PTPRM: variants seen among roughly 807,000 people sequenced by gnomAD.
The protein encoded by PTPRM is protein tyrosine phosphatase receptor type M.
A neutral mutation model predicts 186.7 loss-of-function variants in PTPRM; 47 were observed. The observed-to-expected ratio is 0.25, with a 90% CI of 0.20 to 0.32. The LOEUF is 0.32. PTPRM is among the 10% of genes least tolerant of loss of function. The probability of loss-of-function intolerance (pLI) is 1.00; values close to 1 mark genes in which losing one functional copy is unlikely to be tolerated. For synonymous variants in PTPRM, 668 were observed against 674.9 expected (o/e 0.99, Z 0.16); for missense variants, 1,494 against 1,865.0 (o/e 0.80, Z 3.66).
intron 22 of PTPRM, among the ~76,000 whole-genome samples, chr18:8,327,056 A>T (rs1359365940): frequency 1.3e-5 from 2 of 152,206 alleles, no homozygotes; most frequent in Non-Finnish European, 2.9e-5. Context: ...CTAAATAGCT[A>T]GTGACATGAA....
chr18:7,974,379 C>T (rs1356440661), intron 7 of PTPRM, among the ~76,000 whole-genome samples: 1 of 152,126 alleles, frequency 6.6e-6, no homozygotes, highest in East Asian at 1.9e-4. Flanking sequence ...CACACATTTA[C>T]ATGAAGCAAA....
chr18:8,186,639 A>G (rs1173581496), intron 14 of PTPRM, among the ~76,000 whole-genome samples: 1 of 152,128 alleles, frequency 6.6e-6, no homozygotes, highest in African/African-American at 2.4e-5. Context: ...CATTTTCCAC[A>G]TAGCACTAAG....
chr18:8,395,910 G>T (rs1166678291), intron 32 of PTPRM, among the ~76,000 whole-genome samples: 1 of 152,224 alleles, frequency 6.6e-6, no homozygotes, highest in Non-Finnish European at 1.5e-5. Flanking sequence ...GATACCATGA[G>T]CTCACTGAGG....
chr18:7,809,280 A>G (rs1195668904), intron 2 of PTPRM, among the ~76,000 whole-genome samples: 2 of 151,908 alleles, frequency 1.3e-5, no homozygotes, highest in Non-Finnish European at 2.9e-5. Flanking sequence ...TCTGTGCTCT[A>G]TTTTCCATCT....
intron 23 of PTPRM, among the ~76,000 whole-genome samples, chr18:8,369,851 G>A (rs1371636608): frequency 1.3e-5 from 2 of 152,200 alleles, no homozygotes; most frequent in Non-Finnish European, 1.5e-5. Context: ...TTGGGAGGCT[G>A]AGGAGGGAAG....
intron 13 of PTPRM, among the ~76,000 whole-genome samples, chr18:8,142,093 A>G (rs2146101627): frequency 6.6e-6 from 1 of 152,360 alleles, no homozygotes; most frequent in South Asian, 2.1e-4. Flanking sequence ...ATTAACATTA[A>G]TACCTTAAAG....
At chr18:8,080,371 G>A (rs2090062118) in intron 9 of PTPRM, among the ~76,000 whole-genome samples, 1 of 152,138 alleles carries the variant, frequency 6.6e-6, no homozygotes, top group African/African-American at 2.4e-5. Context: ...TGTTTTAAAA[G>A]CTTTAGTATG....
intron 1 of PTPRM, among the ~76,000 whole-genome samples, chr18:7,748,284 T>C (rs533867819): frequency 6.6e-6 from 1 of 152,254 alleles, no homozygotes; most frequent in South Asian, 2.1e-4. Context: ...TCACTTTGAG[T>C]TTAAAGAGTT....
At chr18:7,569,474 T>A (rs1418735202) in intron 1 of PTPRM, among the ~76,000 whole-genome samples, 1 of 152,240 alleles carries the variant, frequency 6.6e-6, no homozygotes, top group Non-Finnish European at 1.5e-5. Flanking sequence ...TGTGTTCTTA[T>A]TAGTGAATAA....
At chr18:8,013,366 C>G (rs889627876) in intron 7 of PTPRM, among the ~76,000 whole-genome samples, 2 of 152,142 alleles carry the variant, frequency 1.3e-5, no homozygotes, top group South Asian at 2.1e-4. Context: ...AGAAGCCTTA[C>G]TGATAACATA....
intron 19 of PTPRM, among the ~76,000 whole-genome samples, chr18:8,260,813 A>G (rs1337762070): frequency 6.6e-6 from 1 of 152,196 alleles, no homozygotes; most frequent in Non-Finnish European, 1.5e-5. Flanking sequence ...TGGAATTTTG[A>G]GACCAGCCCA....
intron 19 of PTPRM, among the ~76,000 whole-genome samples, chr18:8,260,982 G>A (rs1369877075): frequency 1.3e-5 from 2 of 152,172 alleles, no homozygotes; most frequent in Non-Finnish European, 2.9e-5. Flanking sequence ...GGGGCAGGTG[G>A]AATCAAAGGC....
rs181453651 is a variant in PTPRM, at chr18:7,675,002, G to A, written c.74-99147G>A. Among the ~76,000 whole-genome samples, 131 of 152,290 alleles carry A rather than the reference G, an allele frequency of 8.6e-4. 1 individual carries two copies. The highest frequency in any genetic ancestry group is 2.3e-3 in the South Asian group (11 of 4,814). ...AGCTTTTGTTATATTAATAGATCTA[G>A]CCTGTGATTCTTGTAAAGAGTGTTG... On this transcript the variant is annotated intron_variant, in intron 1 of 32. Coordinates refer to ENST00000580170, the MANE Select transcript of PTPRM (RefSeq NM_001105244.2).
Position 7,952,245 on chromosome 18 carries a change from A to G in PTPRM, c.839-2876A>G, listed in dbSNP as rs185161316. On this transcript the variant is annotated intron_variant, in intron 6 of 32. Transcript: ENST00000580170. ...TGTCTGTGTGTGTATAAATACTGCC[A>G]TTACTGGCTTGATTTAGAATTAGTT... Among the ~76,000 whole-genome samples, 231 of 152,394 alleles carry G rather than the reference A, an allele frequency of 1.5e-3. 1 individual carries two copies. Among genetic ancestry groups the G allele is most frequent in the African/African-American group, 5.1e-3 (212 of 41,596 alleles).
intron 6 of PTPRM, among the ~76,000 whole-genome samples, chr18:7,954,068 T>C (rs1460021921): frequency 6.6e-6 from 1 of 152,208 alleles, no homozygotes; most frequent in Non-Finnish European, 1.5e-5. Flanking sequence ...ATCTCATTTA[T>C]CATGTGTGGT....
chr18:7,822,087 T>C, intron 2 of PTPRM, among the ~76,000 whole-genome samples: 1 of 152,216 alleles, frequency 6.6e-6, no homozygotes, highest in East Asian at 1.9e-4. Flanking sequence ...CCTTCCTTCG[T>C]CAAATATTAT....
chr18:8,001,398 T>C (rs374593211), intron 7 of PTPRM, among the ~76,000 whole-genome samples: 2 of 152,174 alleles, frequency 1.3e-5, no homozygotes, highest in South Asian at 2.1e-4. Flanking sequence ...TGTCCAGTTA[T>C]GGTTTCTCTG....
chr18:7,688,570 C>T (rs963936023), intron 1 of PTPRM, among the ~76,000 whole-genome samples: 1 of 152,146 alleles, frequency 6.6e-6, no homozygotes, highest in Non-Finnish European at 1.5e-5. Context: ...TGATGGCCTT[C>T]AGGAGTATTC....
intron 32 of PTPRM, among the ~76,000 whole-genome samples, chr18:8,398,831 T>G (rs1038436489): frequency 4.0e-5 from 6 of 148,668 alleles, no homozygotes; most frequent in African/African-American, 1.6e-4. Context: ...TGACTCCTTG[T>G]CTGTGAAATG....
Sources: gnomAD v4.1 joint callset for allele counts (sites outside exome capture counted in the v4.1 genomes callset) on GRCh38, gnomAD v4.1.1 for gene constraint, MANE v1.5 for transcripts, NCBI Gene and HGNC (gene_info 2026-07-23, HGNC 2026-07-21) for gene names.